The following LRRC8C variants were observed in gnomAD, a reference collection of about 807,000 sequenced individuals.
LRRC8C encodes volume-regulated anion channel subunit LRRC8C.
LRRC8C carries 20 observed loss-of-function variants against 55.3 expected under a neutral mutation model. The observed-to-expected ratio is 0.36, with a 90% CI of 0.25 to 0.53. The LOEUF is 0.53. Ranked by LOEUF, LRRC8C falls within the 20% of genes least tolerant of loss-of-function variation. The probability of loss-of-function intolerance (pLI) is 0.92; values close to 1 mark genes in which losing one functional copy is unlikely to be tolerated. For missense variants in LRRC8C, 659 were observed against 951.4 expected (o/e 0.69, Z 4.04); for synonymous variants, 376 against 360.7 (o/e 1.04, Z -0.48).
intron 1 of LRRC8C, among the ~76,000 whole-genome samples, chr1:89,659,275 A>G (rs886933841): frequency 5.3e-5 from 8 of 152,064 alleles, no homozygotes; most frequent in Admixed American, 2.6e-4. Flanking sequence ...ACTAATTCCT[A>G]TATTCATTCA....
chr1:89,679,935 T>C (rs1035815451), intron 1 of LRRC8C, among the ~76,000 whole-genome samples: 1 of 152,108 alleles, frequency 6.6e-6, no homozygotes, highest in Admixed American at 6.5e-5. Flanking sequence ...GATTGATAAA[T>C]AGAGCAGAAT....
chr1:89,679,358 A>G (rs1166778110), intron 1 of LRRC8C, among the ~76,000 whole-genome samples: 2 of 152,182 alleles, frequency 1.3e-5, no homozygotes, highest in Non-Finnish European at 2.9e-5. Context: ...GTTTGAGACC[A>G]GCCTGGCCAA....
rs761613169 is a variant in LRRC8C at position 89,714,775 on chromosome 1, G to T, written c.2205G>T (p.Lys735Asn). The change falls in exon 3 of 3, where the codon AAG (lysine) becomes AAT (asparagine). Residue 735 changes from lysine to asparagine, a missense_variant. Coordinates refer to ENST00000370454, the MANE Select transcript of LRRC8C (RefSeq NM_032270.5). The surrounding 1 kb of genome is among the most constrained non-coding windows in gnomAD (Gnocchi z 4.6). ...TCTGCAAGAAACTTAAAACTCTGAA[G>T]ATTGGAAAAAACAGCCTATCTGTAC... is the stretch of plus-strand genomic sequence containing the variant. ...LYFCKKLKTL[K>N]IGKNSLSVLS... The T allele has an allele frequency of 6.2e-7, 1 of 1,613,562 alleles. No homozygotes were observed. The highest frequency in any genetic ancestry group is 8.5e-7 in the Non-Finnish European group (1 of 1,179,846).
At chr1:89,686,710 T>C in intron 2 of LRRC8C, 99 bp downstream of exon 2, 2 of 1,314,226 alleles carry the variant, frequency 1.5e-6, no homozygotes, top group Non-Finnish European at 2.1e-6. Flanking sequence ...ACCATGTAAG[T>C]ATTAGTCACT....
At chr1:89,652,989 G>C (rs989806546) in intron 1 of LRRC8C, among the ~76,000 whole-genome samples, 1 of 152,038 alleles carries the variant, frequency 6.6e-6, no homozygotes, top group African/African-American at 2.4e-5. Flanking sequence ...GGCCAGTGTG[G>C]GTGCACAGCT....
chr1:89,637,762 T>C (rs146413759), intron 1 of LRRC8C, among the ~76,000 whole-genome samples: 6 of 152,194 alleles, frequency 3.9e-5, no homozygotes, highest in Admixed American at 1.3e-4. Context: ...AATTTCCTAA[T>C]GATTACAAGA....
intron 2 of LRRC8C, among the ~76,000 whole-genome samples, chr1:89,691,282 A>G (rs1658019708): frequency 6.6e-6 from 1 of 152,244 alleles, no homozygotes. Flanking sequence ...TCAAGAAGAT[A>G]ATTGAGTGAA....
chr1:89,663,113 G>T (rs1191406108), intron 1 of LRRC8C, among the ~76,000 whole-genome samples: 2 of 152,116 alleles, frequency 1.3e-5, no homozygotes, highest in East Asian at 3.9e-4. Context: ...GAGAATTATG[G>T]TTTCTAGCTT....
At chr1:89,696,343 C>T (rs1346532452) in intron 2 of LRRC8C, among the ~76,000 whole-genome samples, 3 of 152,028 alleles carry the variant, frequency 2.0e-5, no homozygotes, top group African/African-American at 7.2e-5. Context: ...AATCTACGTA[C>T]CTGCAAAAAA....
In LRRC8C at chr1:89,645,647, T is replaced by C. The variant is rs557755258; in HGVS notation, c.-5+12325T>C. Among the ~76,000 whole-genome samples, 6 of 152,182 alleles carry C rather than the reference T, an allele frequency of 3.9e-5. No individual in the cohort carries two copies. In the South Asian group the frequency reaches 1.2e-3, roughly 32 times the overall value. On this transcript the variant is annotated intron_variant, in intron 1 of 2. Coordinates refer to ENST00000370454, the MANE Select transcript of LRRC8C (RefSeq NM_032270.5). ...CTAGAGAAAATTAAAATACATGTCA[T>C]AGAGTATAACAATATAGATGATGAG...
At chr1:89,638,560 A>G (rs1656359508) in intron 1 of LRRC8C, among the ~76,000 whole-genome samples, 1 of 152,180 alleles carries the variant, frequency 6.6e-6, no homozygotes, top group Admixed American at 6.5e-5. Context: ...ACTTAAAGAC[A>G]TGAAAAATAG....
At chr1:89,657,605 G>T (rs866726880) in intron 1 of LRRC8C, among the ~76,000 whole-genome samples, 16 of 152,048 alleles carry the variant, frequency 1.1e-4, no homozygotes, top group Admixed American at 4.6e-4. Flanking sequence ...TCTGGGCGTG[G>T]TAGCACACGC....
intron 1 of LRRC8C, among the ~76,000 whole-genome samples, chr1:89,675,844 G>A (rs370666237): frequency 1.2e-4 from 18 of 152,268 alleles, no homozygotes; most frequent in African/African-American, 4.1e-4. Flanking sequence ...GTGAAGAGGT[G>A]ACTAAGAAGG....
intron 1 of LRRC8C, among the ~76,000 whole-genome samples, chr1:89,634,530 G>A (rs1012085697): frequency 1.4e-4 from 21 of 152,202 alleles, no homozygotes; most frequent in African/African-American, 5.1e-4. Flanking sequence ...TTCAGCGTGG[G>A]CAGGTCATTA....
chr1:89,659,048 G>GTTTTTTTGTTTTTT (rs1301576464), intron 1 of LRRC8C, among the ~76,000 whole-genome samples: 1 of 26,232 alleles, frequency 3.8e-5, no homozygotes, highest in African/African-American at 1.1e-4. Flanking sequence ...TCTTCTCCAG[G>GTTTTTTTGTTTTTT]TTTTTTTTTT....
chr1:89,643,796 A>G (rs1656536497), intron 1 of LRRC8C, among the ~76,000 whole-genome samples: 1 of 152,220 alleles, frequency 6.6e-6, no homozygotes, highest in Admixed American at 6.5e-5. Context: ...ATTCTAAAGC[A>G]TGTGCTCATG....
the LRRC8C span, among the ~76,000 whole-genome samples, chr1:89,620,775 T>C: frequency 6.6e-6 from 1 of 152,204 alleles, no homozygotes; most frequent in Non-Finnish European, 1.5e-5. Flanking sequence ...TCTCTTAAAC[T>C]TCTTAATTCA....
At chr1:89,649,491 T>C (rs898607148) in intron 1 of LRRC8C, among the ~76,000 whole-genome samples, 2 of 152,154 alleles carry the variant, frequency 1.3e-5, no homozygotes, top group Non-Finnish European at 2.9e-5. Context: ...TGTGCATTTT[T>C]CCCCTCTTTT....
chr1:89,694,841 G>A (rs930893754), intron 2 of LRRC8C, among the ~76,000 whole-genome samples: 2 of 151,476 alleles, frequency 1.3e-5, no homozygotes, highest in Non-Finnish European at 1.5e-5. Flanking sequence ...ACCCGCCTCA[G>A]CCTCCCAAAG....
Sources: allele counts gnomAD v4.1 joint callset (sites outside exome capture counted in the v4.1 genomes callset), GRCh38; gene constraint gnomAD v4.1.1; non-coding constraint Gnocchi (gnomAD v3.1); transcripts MANE v1.5; gene names NCBI Gene and HGNC (gene_info 2026-07-23, HGNC 2026-07-21).